PTPRD: variants seen among roughly 807,000 people sequenced by gnomAD.
PTPRD encodes receptor-type tyrosine-protein phosphatase delta.
PTPRD carries 34 observed loss-of-function variants against 214.5 expected under a neutral mutation model. The observed-to-expected ratio is 0.16, with a 90% CI of 0.12 to 0.21. The LOEUF is 0.21. PTPRD is among the 10% of genes least tolerant of loss of function. The pLI, the probability that PTPRD is intolerant of heterozygous loss-of-function variation, is 1.00. For synonymous variants in PTPRD, 1,128 were observed against 845.7 expected, an observed-to-expected ratio of 1.33 and a Z score of -5.79; for missense variants, 2,545 against 2,398.7, an observed-to-expected ratio of 1.06 and a Z score of -1.27.
chr9:8,659,010 T>G (rs1201980868), intron 12 of PTPRD, among the ~76,000 whole-genome samples: 4 of 152,158 alleles, frequency 2.6e-5, no homozygotes, highest in Non-Finnish European at 5.9e-5. Context: ...GCCCTTTGCT[T>G]CCTTCATCCT....
At chr9:10,019,866 T>C (rs561051959) in intron 4 of PTPRD, among the ~76,000 whole-genome samples, 1 of 152,142 alleles carries the variant, frequency 6.6e-6, no homozygotes, top group Admixed American at 6.5e-5. Context: ...CAACATGGCA[T>C]ATGTATACAT....
chr9:10,344,728 C>T (rs1173764088), intron 2 of PTPRD, among the ~76,000 whole-genome samples: 1 of 152,020 alleles, frequency 6.6e-6, no homozygotes, highest in Admixed American at 6.5e-5. Context: ...TTGTAGTTCT[C>T]ATTGGTCCTT....
chr9:9,150,528 C>T (rs1216522122), intron 10 of PTPRD, among the ~76,000 whole-genome samples: 1 of 149,578 alleles, frequency 6.7e-6, no homozygotes, highest in Non-Finnish European at 1.5e-5. Context: ...CTTGCTATGT[C>T]ACCCAGACTG....
intron 4 of PTPRD, among the ~76,000 whole-genome samples, chr9:10,009,271 T>A (rs2096549570): frequency 6.6e-6 from 1 of 151,946 alleles, no homozygotes; most frequent in Non-Finnish European, 1.5e-5. Context: ...TGACCGAGGC[T>A]CAAAGTACAG....
chr9:10,482,850 G>A, intron 2 of PTPRD, among the ~76,000 whole-genome samples: 1 of 152,130 alleles, frequency 6.6e-6, no homozygotes. Flanking sequence ...TTGTGGAAAT[G>A]ACCACACTTC....
intron 14 of PTPRD, among the ~76,000 whole-genome samples, chr9:8,622,873 T>G (rs551492534): frequency 6.6e-6 from 1 of 152,044 alleles, no homozygotes; most frequent in East Asian, 1.9e-4. Context: ...TAGCAGCGGC[T>G]TATGCCTGTA....
intron 11 of PTPRD, among the ~76,000 whole-genome samples, chr9:8,969,077 G>T (rs1037233384): frequency 1.3e-5 from 2 of 152,042 alleles, no homozygotes; most frequent in Non-Finnish European, 2.9e-5. Flanking sequence ...ATAAACAAAA[G>T]GAACCACTCC....
intron 5 of PTPRD, among the ~76,000 whole-genome samples, chr9:9,907,460 C>T (rs1008215140): frequency 6.6e-6 from 1 of 151,710 alleles, no homozygotes; most frequent in Admixed American, 6.6e-5. Flanking sequence ...TTCTCCACGG[C>T]TTGACCATGG....
At chr9:8,460,626 A>C in intron 32 of PTPRD, 55 bp from the exon 33 acceptor site, 1 of 1,554,164 alleles carries the variant, frequency 6.4e-7, no homozygotes, top group Non-Finnish European at 8.7e-7. Context: ...CTAGATAAGT[A>C]CCTTTAACAT....
At chr9:8,577,014 G>C (rs973060407) in intron 14 of PTPRD, among the ~76,000 whole-genome samples, 5 of 152,046 alleles carry the variant, frequency 3.3e-5, no homozygotes, top group African/African-American at 9.7e-5. Flanking sequence ...CCACAATGCA[G>C]CTAGAGCCAA....
At chr9:8,398,714 C>T (rs2091784261) in intron 36 of PTPRD, among the ~76,000 whole-genome samples, 1 of 152,132 alleles carries the variant, frequency 6.6e-6, no homozygotes, top group South Asian at 2.1e-4. Flanking sequence ...ACACAGCATT[C>T]TTTCCCTCAG....
At chr9:10,063,773 G>C (rs145111686) in intron 3 of PTPRD, among the ~76,000 whole-genome samples, 6 of 152,102 alleles carry the variant, frequency 3.9e-5, no homozygotes, top group Admixed American at 2.6e-4. Flanking sequence ...AGCAATACCA[G>C]CTAGTTCAGA....
rs1821648833 is a variant in PTPRD at position 8,316,215 on chromosome 9, T to G, written c.*1659A>C. 4.4e-6 allele frequency: 1 copy of G among 229,880 alleles called. No individual in the cohort carries two copies. Among genetic ancestry groups the G allele is most frequent in the South Asian group, 1.8e-4 (1 of 5,500 alleles). The allele number at this position is 229,880 out of a possible 1,614,324, so 14.2% of individuals were successfully genotyped here. On this transcript the variant is annotated 3_prime_UTR_variant, in exon 46 of 46. Transcript: ENST00000381196. ...GGCTGAAAACTAGGAATGCATATTATTCAAAGAGTTTTTGTACATGTGGTA... is the reference window on the plus strand; with the variant it reads ...GGCTGAAAACTAGGAATGCATATTAGTCAAAGAGTTTTTGTACATGTGGTA...
chr9:9,483,524 C>G (rs2095502864), intron 8 of PTPRD, among the ~76,000 whole-genome samples: 1 of 152,048 alleles, frequency 6.6e-6, no homozygotes, highest in South Asian at 2.1e-4. Flanking sequence ...TACTGCTAAG[C>G]TTACTAGAGT....
chr9:9,919,840 C>G (rs1354312667), intron 5 of PTPRD, among the ~76,000 whole-genome samples: 1 of 152,140 alleles, frequency 6.6e-6, no homozygotes, highest in African/African-American at 2.4e-5. Context: ...TGTTTGAATT[C>G]ATGTCTTACT....
chr9:10,332,137 G>C (rs185051427), intron 3 of PTPRD, among the ~76,000 whole-genome samples: 1 of 151,916 alleles, frequency 6.6e-6, no homozygotes, highest in Non-Finnish European at 1.5e-5. Flanking sequence ...TGAAAGTGTT[G>C]CTTCTTTTCC....
rs575522187 is a variant in PTPRD, at chr9:8,936,887, G to C, written c.-104+81810C>G. On this transcript the variant is annotated intron_variant, in intron 11 of 45. Coordinates refer to ENST00000381196, the MANE Select transcript of PTPRD (RefSeq NM_002839.4). ...AGATTTACATGAATCAAATGCAATA[G>C]AAAAATAATAATATTACTGAGTAAT... Among the ~76,000 whole-genome samples, 365 of 152,174 alleles carry C rather than the reference G, an allele frequency of 2.4e-3. 4 individuals are homozygous for C. The highest frequency in any genetic ancestry group is 4.3e-3 in the Admixed American group (65 of 15,280).
chr9:9,130,854 C>G (rs2099841488), intron 10 of PTPRD, among the ~76,000 whole-genome samples: 1 of 152,134 alleles, frequency 6.6e-6, no homozygotes, highest in South Asian at 2.1e-4. Flanking sequence ...CATCGTATAT[C>G]AGGAACAGAT....
At position 9,042,677 on chromosome 9, in the gene PTPRD, A is replaced by T. The variant is rs370453812; in HGVS notation, c.-142-23942T>A. Among the ~76,000 whole-genome samples the T allele has an allele frequency of 3.4e-5, 5 of 145,874 alleles. No homozygotes were observed. The East Asian group carries it at 8.0e-4, about 23-fold the overall frequency. ...AGCCTCCTTAGGAGGCTTTTAGGGA[A>T]TCATGTATCTTATGACCTCTGGTGG... is the stretch of plus-strand genomic sequence containing the variant. On this transcript the variant is annotated intron_variant, in intron 10 of 45. Transcript: ENST00000381196.
Sources: gnomAD v4.1 joint callset for allele counts (sites outside exome capture counted in the v4.1 genomes callset) on GRCh38, gnomAD v4.1.1 for gene constraint, MANE v1.5 for transcripts, NCBI Gene and HGNC (gene_info 2026-07-23, HGNC 2026-07-21) for gene names.